The following SBNO1 variants were observed in gnomAD, a reference collection of about 807,000 sequenced individuals.
SBNO1 encodes the protein strawberry notch homolog 1.
SBNO1 carries 23 observed loss-of-function variants against 173.6 expected under a neutral mutation model. The ratio of observed to expected loss-of-function variants is 0.13; its 90% CI spans 0.10 to 0.19. The LOEUF is 0.19. Ranked by LOEUF, SBNO1 falls within the 10% of genes least tolerant of loss-of-function variation. SBNO1 has a pLI of 1.00. For missense variants in SBNO1, 1,238 were observed against 1,671.2 expected (o/e 0.74, Z 4.52); for synonymous variants, 632 against 571.5 (o/e 1.11, Z -1.51).
intron 4 of SBNO1, among the ~76,000 whole-genome samples, chr12:123,342,775 A>G (rs1872711340): frequency 3.3e-5 from 5 of 152,210 alleles, no homozygotes. Flanking sequence ...TCAGCCTCCA[A>G]GAATCCCTGA....
rs1249023095 is a variant in SBNO1 at position 123,295,302 on chromosome 12, T to G, written c.*606A>C. ...TCTAACAAATGTTTCTCTCTGTTAC[T>G]CGACTCCTGTGTTAATCTTGTTTCA... On this transcript the variant is annotated 3_prime_UTR_variant, in exon 32 of 32. Coordinates refer to ENST00000602398, the MANE Select transcript of SBNO1 (RefSeq NM_001167856.3). 6.6e-6 allele frequency: 1 copy of G among 152,236 alleles called. No homozygotes were observed. Among genetic ancestry groups the G allele is most frequent in the African/African-American group, 2.4e-5 (1 of 41,450 alleles). The allele number at this position is 152,236 out of a possible 1,614,324, so 9.4% of individuals were successfully genotyped here. A position where few individuals can be genotyped will look rare whatever the true frequency, so the allele number is the denominator to read the frequency against.
intron 28 of SBNO1, among the ~76,000 whole-genome samples, chr12:123,306,592 C>A (rs1046576072): frequency 6.6e-6 from 1 of 152,058 alleles, no homozygotes; most frequent in Non-Finnish European, 1.5e-5. Context: ...GTGGTGCATG[C>A]CTGTAATCCC....
intron 20 of SBNO1, among the ~76,000 whole-genome samples, chr12:123,319,349 C>A (rs1869689724): frequency 6.6e-6 from 1 of 152,142 alleles, no homozygotes; most frequent in Non-Finnish European, 1.5e-5. Flanking sequence ...ATGCATTACA[C>A]ACAATACTTA....
At chr12:123,349,560 AAAT>A (rs1238036350) in intron 2 of SBNO1, among the ~76,000 whole-genome samples, 4 of 129,648 alleles carry the variant, frequency 3.1e-5, no homozygotes, top group East Asian at 1.9e-4. Context: ...TCAAAGCAGA[AAAT>A]AATGTTTTGG....
chr12:123,320,817 CT>C lies in SBNO1; in HGVS notation c.2372del (p.Lys791ArgfsTer5). 4.4e-6 allele frequency: 7 copies of C among 1,597,046 alleles called. No individual in the cohort carries two copies. Among genetic ancestry groups the C allele is most frequent in the Admixed American group, 3.5e-5 (2 of 56,720 alleles). On this transcript the variant is annotated frameshift_variant, in exon 18 of 32. Coordinates refer to ENST00000602398, the MANE Select transcript of SBNO1 (RefSeq NM_001167856.3). LOFTEE classifies it high-confidence loss of function. Reference protein sequence around the residue: ...KDHKKNKEKKKKKSIDPDSIQ... With the variant: ...KDHKKNKEKKXKKSIDPDSIQ... Reference sequence around the variant, plus strand: ...TAGAATCTGGATCTATACTTTTCTTCTTTTTTTTCTCTTTGTTTTTCTTGTG... The same window carrying C: ...TAGAATCTGGATCTATACTTTTCTTCTTTTTTTCTCTTTGTTTTTCTTGTG...
intron 9 of SBNO1, 128 bp from the exon 10 acceptor site, chr12:123,329,023 A>G (rs950030419): frequency 3.7e-6 from 2 of 543,924 alleles, no homozygotes; most frequent in Non-Finnish European, 6.3e-6. Flanking sequence ...ACATAAAAGT[A>G]CAGAGACGCA....
intron 21 of SBNO1, 87 bp downstream of exon 21, chr12:123,317,134 G>A (rs955421369): frequency 1.8e-5 from 25 of 1,398,488 alleles, no homozygotes; most frequent in South Asian, 3.6e-5. Context: ...CTCTGTGCCC[G>A]GCCTAAACCT....
chr12:123,304,770 G>A lies in SBNO1; in HGVS notation c.3631-51C>T, dbSNP rs745539355. On this transcript the variant is annotated intron_variant, in intron 28 of 31. Coordinates refer to ENST00000602398, the MANE Select transcript of SBNO1 (RefSeq NM_001167856.3). Reference sequence around the variant, plus strand: ...AAAGATTTTATAATACACACTTTAAGACATGTTTCTGTACCATCACGTCAG... The same window carrying A: ...AAAGATTTTATAATACACACTTTAAAACATGTTTCTGTACCATCACGTCAG... 7 of 1,201,382 alleles carry A rather than the reference G, an allele frequency of 5.8e-6. No individual in the cohort carries two copies. The East Asian group carries it at 1.7e-4, about 28-fold the overall frequency. The allele number at this position is 1,201,382 out of a possible 1,614,324, so 74.4% of individuals were successfully genotyped here. A position where few individuals can be genotyped will look rare whatever the true frequency, so the allele number is the denominator to read the frequency against.
chr12:123,318,414 C>T (rs1005117220), intron 20 of SBNO1, among the ~76,000 whole-genome samples: 4 of 151,442 alleles, frequency 2.6e-5, no homozygotes, highest in East Asian at 1.9e-4. Flanking sequence ...GACAAAGTGA[C>T]GGTCCTTCTC....
intron 28 of SBNO1, among the ~76,000 whole-genome samples, chr12:123,307,618 C>T (rs888282746): frequency 2.0e-5 from 3 of 152,108 alleles, no homozygotes; most frequent in African/African-American, 7.2e-5. Flanking sequence ...TGAAATATTA[C>T]TCAGCCTTGT....
rs1254614451 is a variant in SBNO1 at position 123,325,518 on chromosome 12, A to G, written c.1957T>C (p.Phe653Leu). The change falls in exon 15 of 32, where the codon TTT becomes CTT. Residue 653 changes from phenylalanine to leucine, a missense_variant. Around this residue, in one of 14 missense-constraint regions of SBNO1, gnomAD observed 182 missense variants for 339.9 expected, o/e 0.54. Coordinates refer to ENST00000602398, the MANE Select transcript of SBNO1 (RefSeq NM_001167856.3). The part of the protein sequence containing the change: ...LEEGGGELND[F>L]VSTAKGVLQS... ...AAACATTACTTGGCAGTTGAAACAAAATCATTCAATTCTCCCCCGCCCTCT... is the reference window on the plus strand; with the variant it reads ...AAACATTACTTGGCAGTTGAAACAAGATCATTCAATTCTCCCCCGCCCTCT... 2 of 1,611,832 alleles carry G rather than the reference A, an allele frequency of 1.2e-6. No individual in the cohort carries two copies. The highest frequency in any genetic ancestry group is 1.7e-6 in the Non-Finnish European group (2 of 1,178,134).
chr12:123,326,125 A>T, intron 14 of SBNO1, 27 bp downstream of exon 14: 1 of 1,522,336 alleles, frequency 6.6e-7, no homozygotes, highest in Non-Finnish European at 8.9e-7. Context: ...ACCCCCAAAC[A>T]ATCTCTTAAT....
At chr12:123,308,872 G>A (rs2048986879) in intron 28 of SBNO1, among the ~76,000 whole-genome samples, 1 of 152,206 alleles carries the variant, frequency 6.6e-6, no homozygotes, top group African/African-American at 2.4e-5. Flanking sequence ...GGAAGGCCGA[G>A]GCAGGCAGGT....
chr12:123,296,896 T>C (rs2048616521), intron 31 of SBNO1, among the ~76,000 whole-genome samples: 1 of 149,932 alleles, frequency 6.7e-6, no homozygotes, highest in Non-Finnish European at 1.5e-5. Flanking sequence ...AAGGTCTCAC[T>C]GTGTTGCCTA....
intron 1 of SBNO1, chr12:123,363,989 T>A: frequency 1.0e-6 from 1 of 985,488 alleles, no homozygotes; most frequent in Non-Finnish European, 1.2e-6. Context: ...GGATGCTCGT[T>A]ATGCCAAACG....
rs1250456983 is a variant in SBNO1, at chr12:123,299,691, AAAAAAAAAC to A, written c.3846-1529_3846-1521del. 5.3e-5 allele frequency among the ~76,000 whole-genome samples: 8 copies of A among 151,052 alleles called. No homozygotes were observed. In the East Asian group the frequency reaches 1.6e-3, roughly 30 times the overall value. ...GCAAGACTCTGTCTTCAAAAAAAAA[AAAAAAAAAC>A]AAAAAAGCCAAGTGTGTTGGCGCAT... On this transcript the variant is annotated intron_variant, in intron 30 of 31. Coordinates refer to ENST00000602398, the MANE Select transcript of SBNO1 (RefSeq NM_001167856.3).
intron 30 of SBNO1, among the ~76,000 whole-genome samples, chr12:123,301,380 C>T (rs187279050): frequency 5.9e-5 from 9 of 152,200 alleles, no homozygotes; most frequent in Admixed American, 5.2e-4. Context: ...ATAATGAAAA[C>T]CAAAAGCACT....
In SBNO1 at chr12:123,320,531, T is replaced by C; in HGVS notation, c.2568A>G (p.Lys856=). Residue 856 remains lysine (K), a synonymous_variant, in exon 19 of 32, where the codon AAA becomes AAG. Transcript: ENST00000602398. ...DAVERAQQMK[K]DLLDKLEKLA... is the part of the protein sequence containing the mutation. ...ATTTTTCTAGCTTATCAAGCAGGTC[T>C]TTCTTCATCTGCTGAGCCCTTTCCA... The C allele has an allele frequency of 6.2e-7, 1 of 1,614,132 alleles. No homozygotes were observed. Among genetic ancestry groups the C allele is most frequent in the Non-Finnish European group, 8.5e-7 (1 of 1,179,966 alleles).
chr12:123,356,891 C>T (rs1257897756), intron 1 of SBNO1, among the ~76,000 whole-genome samples: 1 of 152,194 alleles, frequency 6.6e-6, no homozygotes, highest in East Asian at 1.9e-4. Context: ...AATATCTTCA[C>T]CTTAGCTAAT....
Sources: allele counts gnomAD v4.1 joint callset (sites outside exome capture counted in the v4.1 genomes callset), GRCh38; gene constraint gnomAD v4.1.1; regional missense constraint gnomAD v4.1.1; transcripts MANE v1.5; gene names NCBI Gene and HGNC (gene_info 2026-07-23, HGNC 2026-07-21).